The following HIKESHI variants were observed in gnomAD, a reference collection of about 807,000 sequenced individuals.
The protein encoded by HIKESHI is heat shock protein nuclear import factor hikeshi, also known as protein Hikeshi.
Under a neutral mutation model 25.7 loss-of-function variants are expected in HIKESHI, and 13 were observed. The ratio of observed to expected loss-of-function variants is 0.51; its 90% CI spans 0.33 to 0.80. The LOEUF is 0.80. Among genes scored for constraint, HIKESHI ranks in the 30% least tolerant of loss-of-function variants. The pLI, the probability that HIKESHI is intolerant of heterozygous loss-of-function variation, is 0.02. For synonymous variants in HIKESHI, 76 were observed against 78.7 expected (o/e 0.97, Z 0.18); for missense variants, 174 against 229.5 (o/e 0.76, Z 1.56).
At chr11:86,326,584 C>G in intron 2 of HIKESHI, 1 of 455,498 alleles carries the variant, frequency 2.2e-6, no homozygotes, top group Admixed American at 2.4e-5. Context: ...AATATCACAC[C>G]AAGACATTGT....
chr11:86,330,422 C>G (rs950892263), intron 2 of HIKESHI, among the ~76,000 whole-genome samples: 3 of 152,112 alleles, frequency 2.0e-5, no homozygotes, highest in African/African-American at 7.2e-5. Context: ...AACATTGCAG[C>G]CCTTCATAGC....
intron 1 of HIKESHI, among the ~76,000 whole-genome samples, chr11:86,302,916 G>T (rs1010665815): frequency 2.6e-5 from 4 of 152,120 alleles, no homozygotes; most frequent in African/African-American, 9.7e-5. Flanking sequence ...ATTGAATTTG[G>T]TCTATAGCAA....
At chr11:86,345,491 T>C (rs1445299896) in intron 4 of HIKESHI, 93 bp from the exon 5 acceptor site, 1 of 705,134 alleles carries the variant, frequency 1.4e-6, no homozygotes, top group Non-Finnish European at 2.4e-6. Flanking sequence ...AGAAATGACA[T>C]GTAAAATTGT....
intron 3 of HIKESHI, among the ~76,000 whole-genome samples, chr11:86,338,585 C>T (rs1442539485): frequency 1.3e-5 from 2 of 152,176 alleles, no homozygotes; most frequent in Non-Finnish European, 2.9e-5. Flanking sequence ...AGTCTTCTAG[C>T]AGAGGAGGAG....
chr11:86,327,361 C>A (rs905387084), intron 2 of HIKESHI, among the ~76,000 whole-genome samples: 1 of 151,800 alleles, frequency 6.6e-6, no homozygotes, highest in Non-Finnish European at 1.5e-5. Flanking sequence ...GTCGCCCAGG[C>A]TAGAGCGTAG....
At chr11:86,308,249 A>G (rs1251863142) in intron 2 of HIKESHI, among the ~76,000 whole-genome samples, 1 of 114,732 alleles carries the variant, frequency 8.7e-6, no homozygotes, top group Non-Finnish European at 1.7e-5. Context: ...TATATAAAAT[A>G]TATATTACAT....
At chr11:86,320,971 G>GT (rs1177277092) in intron 2 of HIKESHI, among the ~76,000 whole-genome samples, 14 of 152,078 alleles carry the variant, frequency 9.2e-5, no homozygotes, top group Admixed American at 9.2e-4. Flanking sequence ...GTCTCACACT[G>GT]TTGCTCAGGC....
chr11:86,336,930 A>C (rs1947579476), intron 2 of HIKESHI, among the ~76,000 whole-genome samples: 1 of 151,870 alleles, frequency 6.6e-6, no homozygotes, highest in African/African-American at 2.4e-5. Context: ...GCATATTCAG[A>C]GTTCTGAAAG....
chr11:86,307,878 T>C (rs1330678090), intron 2 of HIKESHI, among the ~76,000 whole-genome samples: 1 of 126,696 alleles, frequency 7.9e-6, no homozygotes, highest in Non-Finnish European at 1.5e-5. Flanking sequence ...AAAATATATA[T>C]TATGTGTAAT....
At chr11:86,316,771 C>CTTTTTTTTTTTTTTTTTTTTTTTTTTTT (rs71040229) in intron 2 of HIKESHI, among the ~76,000 whole-genome samples, 2 of 68,778 alleles carry the variant, frequency 2.9e-5, no homozygotes, top group African/African-American at 6.3e-5. Flanking sequence ...CTGAAACATT[C>CTTTTTTTTTTTTTTTTTTTTTTTTTTTT]TTTTTTTTTT....
chr11:86,317,264 A>G (rs1947012015), intron 2 of HIKESHI, among the ~76,000 whole-genome samples: 1 of 152,194 alleles, frequency 6.6e-6, no homozygotes. Context: ...TAAGAGGTTC[A>G]GTGAGCGGAG....
chr11:86,309,492 T>G (rs1029459640), intron 2 of HIKESHI, among the ~76,000 whole-genome samples: 5 of 152,214 alleles, frequency 3.3e-5, no homozygotes, highest in African/African-American at 1.2e-4. Context: ...ATGGGTAGAT[T>G]GCAAAAATTT....
intron 2 of HIKESHI, among the ~76,000 whole-genome samples, chr11:86,318,275 T>G (rs1055814091): frequency 1.9e-4 from 14 of 74,942 alleles, no homozygotes; most frequent in Non-Finnish European, 2.8e-4. Context: ...TTGCACTCCA[T>G]CCTGGGCGAC....
chr11:86,340,275 A>G (rs1947690415), intron 3 of HIKESHI, among the ~76,000 whole-genome samples: 1 of 152,180 alleles, frequency 6.6e-6, no homozygotes, highest in Non-Finnish European at 1.5e-5. Context: ...CAGTAATGGG[A>G]TCACTGGGTC....
At chr11:86,306,955 C>T (rs987402498) in intron 2 of HIKESHI, among the ~76,000 whole-genome samples, 43 of 148,930 alleles carry the variant, frequency 2.9e-4, no homozygotes, top group African/African-American at 9.9e-4. Flanking sequence ...AGCCAAGATC[C>T]CACCACTGCA....
rs923760917 is a variant in HIKESHI at position 86,319,999 on chromosome 11, G to C, written c.268+13517G>C. On this transcript the variant is annotated intron_variant, in intron 2 of 4. Coordinates refer to ENST00000278483, the MANE Select transcript of HIKESHI (RefSeq NM_016401.4). ...GATAAACTTGCATATCTACTGTTTT[G>C]TTACCCAGGGGTGGAGTTGTCATAG... Among the ~76,000 whole-genome samples, 19 of 152,066 alleles carry C rather than the reference G, an allele frequency of 1.2e-4. 1 individual carries two copies. Among genetic ancestry groups the C allele is most frequent in the South Asian group, 1.0e-3 (5 of 4,822 alleles).
At chr11:86,334,360 T>C (rs1171285766) in intron 2 of HIKESHI, among the ~76,000 whole-genome samples, 1 of 151,914 alleles carries the variant, frequency 6.6e-6, no homozygotes, top group Non-Finnish European at 1.5e-5. Flanking sequence ...CTGTAGGAAT[T>C]TTTCCTCTGA....
At chr11:86,320,623 A>G (rs1384174820) in intron 2 of HIKESHI, among the ~76,000 whole-genome samples, 1 of 152,202 alleles carries the variant, frequency 6.6e-6, no homozygotes, top group Non-Finnish European at 1.5e-5. Context: ...AGATTGTGGT[A>G]GCTTTATTGA....
At chr11:86,312,555 T>C (rs2138316205) in intron 2 of HIKESHI, among the ~76,000 whole-genome samples, 1 of 152,346 alleles carries the variant, frequency 6.6e-6, no homozygotes, top group East Asian at 1.9e-4. Context: ...TTAGCCCATT[T>C]ACATTTAAGG....
Sources: allele counts gnomAD v4.1 joint callset (sites outside exome capture counted in the v4.1 genomes callset), GRCh38; gene constraint gnomAD v4.1.1; transcripts MANE v1.5; gene names NCBI Gene and HGNC (gene_info 2026-07-23, HGNC 2026-07-21).